The following KCNJ16 variants were observed in gnomAD, a reference collection of about 807,000 sequenced individuals.
The protein encoded by KCNJ16 is potassium inwardly rectifying channel subfamily J member 16.
KCNJ16 carries 15 observed loss-of-function variants against 18.5 expected under a neutral mutation model. The observed-to-expected ratio is 0.81, with a 90% CI of 0.54 to 1.25. The LOEUF (loss-of-function observed/expected upper bound fraction) is 1.25, where lower values mean the gene tolerates loss of function less well. KCNJ16 is among the 50% of genes most tolerant of loss of function. The pLI is 0.00. For missense variants in KCNJ16, 523 were observed against 525.7 expected (o/e 0.99, Z 0.05); for synonymous variants, 174 against 186.5 (o/e 0.93, Z 0.55).
intron 1 of KCNJ16, among the ~76,000 whole-genome samples, chr17:70,094,559 G>A (rs1392379518): frequency 2.0e-5 from 3 of 152,124 alleles, no homozygotes; most frequent in Non-Finnish European, 1.5e-5. Context: ...ATGGGAAGGT[G>A]AGGTATTTAA....
At position 70,117,318 on chromosome 17, in the gene KCNJ16, G is replaced by A. The variant is rs146886816; in HGVS notation, c.-190-13561G>A. ...GACTACTAGAAGGGAGAGCGGGCAGGGCTTCAAGGTTTGGAAAACTAACCT... is the reference window on the plus strand; with the variant it reads ...GACTACTAGAAGGGAGAGCGGGCAGAGCTTCAAGGTTTGGAAAACTAACCT... On this transcript the variant is annotated intron_variant, in intron 2 of 3. Coordinates refer to ENST00000392671, the MANE Select transcript of KCNJ16 (RefSeq NM_170741.4). 6.7e-3 allele frequency among the ~76,000 whole-genome samples: 1,011 copies of A among 151,994 alleles called. 2 individuals carry two copies. Among genetic ancestry groups the A allele is most frequent in the Non-Finnish European group, 0.012 (799 of 67,978 alleles).
intron 2 of KCNJ16, among the ~76,000 whole-genome samples, chr17:70,112,361 A>ATT (rs929677629): frequency 5.5e-5 from 8 of 145,160 alleles, no homozygotes; most frequent in African/African-American, 1.3e-4. Context: ...CTGGTTTCTA[A>ATT]TTTTTTTTTT....
At chr17:70,123,820 CAGA>C (rs890946936) in intron 2 of KCNJ16, among the ~76,000 whole-genome samples, 2 of 152,100 alleles carry the variant, frequency 1.3e-5, no homozygotes, top group Non-Finnish European at 2.9e-5. Flanking sequence ...ACCACGGTAG[CAGA>C]AGGAGAGATA....
At chr17:70,077,973 G>T (rs993457409) in intron 1 of KCNJ16, among the ~76,000 whole-genome samples, 4 of 152,166 alleles carry the variant, frequency 2.6e-5, no homozygotes, top group African/African-American at 9.7e-5. Context: ...TCTGCAGACT[G>T]GGAGGAGAAC....
chr17:70,091,008 C>T (rs999793893), intron 1 of KCNJ16, among the ~76,000 whole-genome samples: 9 of 152,028 alleles, frequency 5.9e-5, no homozygotes, highest in Non-Finnish European at 1.0e-4. Flanking sequence ...TCTTATATGA[C>T]TCCAGCCTTC....
chr17:70,083,881 T>G (rs1308260048), intron 1 of KCNJ16, among the ~76,000 whole-genome samples: 1 of 152,060 alleles, frequency 6.6e-6, no homozygotes, highest in Non-Finnish European at 1.5e-5. Context: ...GATAGAATAT[T>G]GAAACCAGTG....
intron 1 of KCNJ16, among the ~76,000 whole-genome samples, chr17:70,084,372 G>A (rs1345925442): frequency 1.3e-5 from 2 of 152,146 alleles, no homozygotes; most frequent in African/African-American, 4.8e-5. Context: ...AGTGGTAGGA[G>A]AGAGTCATAA....
Position 70,134,952 on chromosome 17 carries a change from TCTTC to T in KCNJ16, c.*1616_*1619del, listed in dbSNP as rs934903958. 1.2e-5 allele frequency: 2 copies of T among 165,470 alleles called. No individual in the cohort carries two copies. The highest frequency in any genetic ancestry group is 2.4e-5 in the African/African-American group (1 of 41,366). The allele number at this position is 165,470 out of a possible 1,614,324, so 10.3% of individuals were successfully genotyped here. A position where few individuals can be genotyped will look rare whatever the true frequency, so the allele number is the denominator to read the frequency against. ...TTTCTTTTCTTTTTTCTTTTTTTGT[TCTTC>T]CTTCCTTTCTTCCCTCCTCCCCCTC... is the stretch of plus-strand genomic sequence containing the variant. On this transcript the variant is annotated 3_prime_UTR_variant, in exon 4 of 4. Coordinates refer to ENST00000392671, the MANE Select transcript of KCNJ16 (RefSeq NM_170741.4).
rs1323650668 is a variant in KCNJ16 at position 70,132,505 on chromosome 17, A to T, written c.418A>T (p.Thr140Ser). 2 of 1,614,034 alleles carry T rather than the reference A, an allele frequency of 1.2e-6. No individual in the cohort carries two copies. The highest frequency in any genetic ancestry group is 1.7e-6 in the Non-Finnish European group (2 of 1,180,040). Residue 140 changes from threonine (T) to serine (S), a missense_variant, in exon 4 of 4, where the codon ACT becomes TCT. Thr to Ser is a moderately conservative substitution (Grantham distance 58). Coordinates refer to ENST00000392671, the MANE Select transcript of KCNJ16 (RefSeq NM_170741.4). The part of the protein sequence containing the change: ...TTIGYGYRCV[T>S]EECSVAVLMV... ...CATAGGATATGGTTATCGCTGTGTTACTGAAGAATGTTCTGTGGCCGTGCT... is the reference window on the plus strand; with the variant it reads ...CATAGGATATGGTTATCGCTGTGTTTCTGAAGAATGTTCTGTGGCCGTGCT...
chr17:70,085,741 C>G (rs1190882577), intron 1 of KCNJ16, among the ~76,000 whole-genome samples: 1 of 152,086 alleles, frequency 6.6e-6, no homozygotes, highest in African/African-American at 2.4e-5. Context: ...CTAGCTTATT[C>G]TTTCTCTATC....
At chr17:70,127,782 C>T (rs1041773467) in intron 2 of KCNJ16, among the ~76,000 whole-genome samples, 6 of 152,198 alleles carry the variant, frequency 3.9e-5, no homozygotes, top group Non-Finnish European at 8.8e-5. Flanking sequence ...AGGAAAGCAA[C>T]TTGAATAATG....
intron 1 of KCNJ16, among the ~76,000 whole-genome samples, chr17:70,081,833 T>TGTGTGTGG (rs1395025935): frequency 5.3e-5 from 8 of 150,320 alleles, no homozygotes; most frequent in Admixed American, 2.0e-4. Context: ...TGTGTGTGTG[T>TGTGTGTGG]GTAAATAAGT....
intron 1 of KCNJ16, among the ~76,000 whole-genome samples, chr17:70,088,074 T>C (rs142162355): frequency 1.6e-4 from 22 of 141,736 alleles, no homozygotes; most frequent in African/African-American, 5.0e-4. Flanking sequence ...TGAAAACCAG[T>C]AGTCTAGGCC....
At chr17:70,114,979 C>T (rs2073346354) in intron 2 of KCNJ16, among the ~76,000 whole-genome samples, 1 of 152,130 alleles carries the variant, frequency 6.6e-6, no homozygotes, top group Admixed American at 6.6e-5. Flanking sequence ...ATCCTCATAG[C>T]AATCCACTGA....
chr17:70,083,643 G>A (rs189394019), intron 1 of KCNJ16, among the ~76,000 whole-genome samples: 6 of 152,058 alleles, frequency 3.9e-5, no homozygotes, highest in Non-Finnish European at 8.8e-5. Context: ...CTAGGTTTGC[G>A]TATATACACT....
At chr17:70,088,973 A>T (rs1232530861) in intron 1 of KCNJ16, among the ~76,000 whole-genome samples, 1 of 152,214 alleles carries the variant, frequency 6.6e-6, no homozygotes, top group Non-Finnish European at 1.5e-5. Context: ...AAAAAGTCAA[A>T]TTCGATTTTA....
intron 1 of KCNJ16, among the ~76,000 whole-genome samples, chr17:70,092,529 G>C (rs1380194136): frequency 0.015 from 939 of 61,258 alleles, 12 homozygotes; most frequent in Middle Eastern, 0.027. Flanking sequence ...TAGATACATA[G>C]ACAGATAGAT....
chr17:70,089,807 C>T (rs1188211932), intron 1 of KCNJ16, among the ~76,000 whole-genome samples: 1 of 152,184 alleles, frequency 6.6e-6, no homozygotes, highest in African/African-American at 2.4e-5. Context: ...AGAACACACA[C>T]CTCTGACTAA....
intron 2 of KCNJ16, among the ~76,000 whole-genome samples, chr17:70,115,634 C>A (rs1024711858): frequency 1.3e-5 from 2 of 151,982 alleles, no homozygotes; most frequent in Non-Finnish European, 2.9e-5. Flanking sequence ...CAAAAGGAGG[C>A]ACCAAAAAGG....
Sources: gnomAD v4.1 joint callset for allele counts (sites outside exome capture counted in the v4.1 genomes callset) on GRCh38, gnomAD v4.1.1 for gene constraint, MANE v1.5 for transcripts, NCBI Gene and HGNC (gene_info 2026-07-23, HGNC 2026-07-21) for gene names.